Variants in GRM8 observed in about 807,000 individuals in gnomAD.
The protein encoded by GRM8 is glutamate metabotropic receptor 8.
GRM8 carries 47 observed loss-of-function variants against 87.2 expected under a neutral mutation model. The observed-to-expected ratio is 0.54, with a 90% CI of 0.43 to 0.69. The LOEUF (loss-of-function observed/expected upper bound fraction) is 0.69, where lower values mean the gene tolerates loss of function less well. Among genes scored for constraint, GRM8 ranks in the 30% least tolerant of loss-of-function variants. The pLI, the probability that GRM8 is intolerant of heterozygous loss-of-function variation, is 0.00. For missense variants in GRM8, 1,019 were observed against 1,139.2 expected (o/e 0.89, Z 1.52); for synonymous variants, 396 against 404.5 (o/e 0.98, Z 0.25).
At chr7:126,978,903 A>G (rs192731224) in intron 3 of GRM8, among the ~76,000 whole-genome samples, 1 of 152,322 alleles carries the variant, frequency 6.6e-6, no homozygotes, top group East Asian at 1.9e-4. Flanking sequence ...AATCTCCTAT[A>G]AAACAGGAAT....
At chr7:126,517,157 C>T (rs902624954) in intron 9 of GRM8, among the ~76,000 whole-genome samples, 1 of 151,914 alleles carries the variant, frequency 6.6e-6, no homozygotes, top group Non-Finnish European at 1.5e-5. Flanking sequence ...CAGAAGAGTA[C>T]AATGCTTATA....
chr7:126,742,199 A>T (rs991242430), intron 7 of GRM8, among the ~76,000 whole-genome samples: 1 of 152,112 alleles, frequency 6.6e-6, no homozygotes, highest in Non-Finnish European at 1.5e-5. Context: ...TCCAGGGTCA[A>T]CTGTATTATT....
chr7:126,926,532 A>G (rs908691296), intron 3 of GRM8, among the ~76,000 whole-genome samples: 3 of 152,172 alleles, frequency 2.0e-5, no homozygotes, highest in Non-Finnish European at 4.4e-5. Flanking sequence ...CTCCAGTTCA[A>G]TAGTTGACAT....
At chr7:126,995,567 A>G (rs1813100400) in intron 3 of GRM8, among the ~76,000 whole-genome samples, 1 of 152,276 alleles carries the variant, frequency 6.6e-6, no homozygotes, top group South Asian at 2.1e-4. Flanking sequence ...CAACTGATGT[A>G]TTGAAGAATG....
At chr7:126,673,051 C>T (rs952594263) in intron 7 of GRM8, among the ~76,000 whole-genome samples, 16 of 152,166 alleles carry the variant, frequency 1.1e-4, no homozygotes, top group African/African-American at 3.9e-4. Flanking sequence ...AAACTCCAAG[C>T]GGCCTGCCCA....
intron 8 of GRM8, among the ~76,000 whole-genome samples, chr7:126,550,158 A>G (rs1462670619): frequency 1.3e-5 from 2 of 151,532 alleles, no homozygotes; most frequent in East Asian, 3.9e-4. Context: ...CTCTGTCCCC[A>G]GGCTGGAGTG....
Position 126,993,490 on chromosome 7 carries a change from T to C in GRM8, c.728-88807A>G, listed in dbSNP as rs192218893. Among the ~76,000 whole-genome samples, 1,431 of 152,222 alleles carry C rather than the reference T, an allele frequency of 9.4e-3. 48 individuals are homozygous for C. The South Asian group carries it at 0.094, about 10-fold the overall frequency. The stretch of plus-strand genomic sequence containing the variant: ...GGAACACCACATTTTAACAACTGAC[T>C]ACACACAATAAAAGCACCTTCATAA... On this transcript the variant is annotated intron_variant, in intron 3 of 10. Coordinates refer to ENST00000339582, the MANE Select transcript of GRM8 (RefSeq NM_000845.3).
chr7:126,908,065 T>C (rs1802892617), intron 3 of GRM8, among the ~76,000 whole-genome samples: 1 of 152,130 alleles, frequency 6.6e-6, no homozygotes, highest in Non-Finnish European at 1.5e-5. Flanking sequence ...ATGATTTTGA[T>C]TGGAAGCAGG....
At chr7:126,814,588 A>G (rs920032206) in intron 6 of GRM8, among the ~76,000 whole-genome samples, 1 of 152,014 alleles carries the variant, frequency 6.6e-6, no homozygotes, top group Non-Finnish European at 1.5e-5. Flanking sequence ...CACCCAATAC[A>G]TCCAACCTAA....
chr7:126,788,420 A>AAAAAAAAAAAACAAAACAAAAAAAAAC, intron 6 of GRM8, among the ~76,000 whole-genome samples: 1 of 81,138 alleles, frequency 1.2e-5, no homozygotes, highest in African/African-American at 4.6e-5. Flanking sequence ...AAAAAAAAAA[A>AAAAAAAAAAAACAAAACAAAAAAAAAC]AAACCCTTTC....
chr7:126,937,875 G>C (rs1220214151), intron 3 of GRM8, among the ~76,000 whole-genome samples: 1 of 152,142 alleles, frequency 6.6e-6, no homozygotes, highest in Non-Finnish European at 1.5e-5. Context: ...ATGGGCTTTG[G>C]TTTGCCTCTT....
At chr7:126,924,320 G>A (rs570465859) in intron 3 of GRM8, among the ~76,000 whole-genome samples, 22 of 152,278 alleles carry the variant, frequency 1.4e-4, no homozygotes, top group African/African-American at 4.8e-4. Flanking sequence ...TAAATCTCAC[G>A]GATTTCAAAC....
chr7:126,441,317 G>A (rs1022646490), intron 10 of GRM8, among the ~76,000 whole-genome samples: 2 of 152,014 alleles, frequency 1.3e-5, no homozygotes, highest in African/African-American at 2.4e-5. Context: ...ATAAAGAAAT[G>A]TTTAATTGTT....
chr7:126,590,742 A>G (rs1448434233), intron 8 of GRM8, among the ~76,000 whole-genome samples: 8 of 152,166 alleles, frequency 5.3e-5, no homozygotes, highest in Non-Finnish European at 1.2e-4. Flanking sequence ...CAAAACAATT[A>G]TCAGCCAATA....
chr7:126,961,237 G>A (rs1464968605), intron 3 of GRM8, among the ~76,000 whole-genome samples: 1 of 152,148 alleles, frequency 6.6e-6, no homozygotes, highest in East Asian at 1.9e-4. Flanking sequence ...ATAGGCTTTG[G>A]AGAAAGAATT....
chr7:126,854,913 C>T (rs2130759659), intron 6 of GRM8, among the ~76,000 whole-genome samples: 1 of 152,198 alleles, frequency 6.6e-6, no homozygotes, highest in Non-Finnish European at 1.5e-5. Flanking sequence ...GTTTTGGATG[C>T]CCTTTATTTC....
intron 2 of GRM8, among the ~76,000 whole-genome samples, chr7:127,131,163 C>A (rs1782234210): frequency 6.6e-6 from 1 of 152,180 alleles, no homozygotes; most frequent in South Asian, 2.1e-4. Flanking sequence ...GGCTCCCTCC[C>A]AACCTTCACT....
intron 8 of GRM8, among the ~76,000 whole-genome samples, chr7:126,580,968 A>G (rs1795553855): frequency 3.9e-5 from 2 of 51,592 alleles, no homozygotes; most frequent in Non-Finnish European, 7.4e-5. Context: ...AAAAAAATAG[A>G]AAAAAAAACA....
chr7:127,028,736 T>G (rs1039071447), intron 3 of GRM8, among the ~76,000 whole-genome samples: 2 of 152,136 alleles, frequency 1.3e-5, no homozygotes, highest in Non-Finnish European at 2.9e-5. Context: ...TTCTTATTAG[T>G]CTTGCTAGCA....
Sources: gnomAD v4.1 joint callset for allele counts (sites outside exome capture counted in the v4.1 genomes callset) on GRCh38, gnomAD v4.1.1 for gene constraint, MANE v1.5 for transcripts, NCBI Gene and HGNC (gene_info 2026-07-23, HGNC 2026-07-21) for gene names.